The following DIP2B variants were observed in gnomAD, a reference collection of about 807,000 sequenced individuals.
DIP2B encodes the protein DIP2 acetate--CoA ligase B (putative).
Under a neutral mutation model 198.0 loss-of-function variants are expected in DIP2B, and 76 were observed. The observed-to-expected ratio is 0.38, with a 90% confidence interval of 0.32 to 0.46. The LOEUF (loss-of-function observed/expected upper bound fraction) is 0.46. DIP2B is among the 20% of genes least tolerant of loss of function. The pLI, the probability that DIP2B is intolerant of heterozygous loss-of-function variation, is 0.99. For synonymous variants in DIP2B, 701 were observed against 739.1 expected, an observed-to-expected ratio of 0.95 and a Z score of 0.84; for missense variants, 1,559 against 1,978.4, an observed-to-expected ratio of 0.79 and a Z score of 4.02.
intron 1 of DIP2B, among the ~76,000 whole-genome samples, chr12:50,577,629 T>C (rs1343026271): frequency 6.6e-6 from 1 of 151,216 alleles, no homozygotes; most frequent in Non-Finnish European, 1.5e-5. Context: ...ATAATACACT[T>C]TTATATGAGA....
At chr12:50,624,138 T>C (rs991955718) in intron 1 of DIP2B, among the ~76,000 whole-genome samples, 10 of 152,242 alleles carry the variant, frequency 6.6e-5, no homozygotes, top group African/African-American at 2.4e-4. Flanking sequence ...CAAATTACTC[T>C]AAGAGGATTG....
At chr12:50,570,413 G>A (rs1958602545) in intron 1 of DIP2B, among the ~76,000 whole-genome samples, 1 of 152,192 alleles carries the variant, frequency 6.6e-6, no homozygotes, top group Non-Finnish European at 1.5e-5. Context: ...GGTGTATAAA[G>A]ATACAGGCAG....
intron 1 of DIP2B, among the ~76,000 whole-genome samples, chr12:50,592,626 C>A (rs893257375): frequency 6.6e-6 from 1 of 152,008 alleles, no homozygotes; most frequent in African/African-American, 2.4e-5. Context: ...TACAGGCACA[C>A]GCCACTACGC....
chr12:50,632,791 C>T (rs1011157259), intron 2 of DIP2B, among the ~76,000 whole-genome samples: 1 of 152,024 alleles, frequency 6.6e-6, no homozygotes, highest in Non-Finnish European at 1.5e-5. Context: ...CCTCCCTTCT[C>T]CTCCCGAAGT....
intron 23 of DIP2B, among the ~76,000 whole-genome samples, chr12:50,717,896 CTTTTTTTTT>C (rs60627093): frequency 2.3e-5 from 2 of 87,056 alleles, no homozygotes; most frequent in Non-Finnish European, 4.1e-5. Context: ...CCATTATTCA[CTTTTTTTTT>C]TTTTTTTTTT....
At chr12:50,637,295 C>T (rs755404023) in intron 2 of DIP2B, among the ~76,000 whole-genome samples, 1 of 152,142 alleles carries the variant, frequency 6.6e-6, no homozygotes, top group African/African-American at 2.4e-5. Context: ...AAAGGCTGCC[C>T]ACTCGGCTTA....
At chr12:50,587,061 T>G (rs1157743247) in intron 1 of DIP2B, among the ~76,000 whole-genome samples, 1 of 152,170 alleles carries the variant, frequency 6.6e-6, no homozygotes, top group Non-Finnish European at 1.5e-5. Flanking sequence ...GAACCATGGG[T>G]GAGTGTATTA....
chr12:50,663,325 G>A (rs905511075), intron 4 of DIP2B, among the ~76,000 whole-genome samples: 7 of 151,734 alleles, frequency 4.6e-5, no homozygotes, highest in Non-Finnish European at 8.8e-5. Context: ...TTGGGAGGCC[G>A]AGGCGGGTGG....
intron 22 of DIP2B, among the ~76,000 whole-genome samples, chr12:50,713,131 A>G (rs1053898408): frequency 2.0e-5 from 3 of 152,186 alleles, no homozygotes; most frequent in Admixed American, 6.5e-5. Context: ...ATTAAAATAT[A>G]GAGATGGGGT....
At chr12:50,658,175 C>T (rs1221241071) in intron 3 of DIP2B, among the ~76,000 whole-genome samples, 2 of 151,756 alleles carry the variant, frequency 1.3e-5, no homozygotes, top group Non-Finnish European at 2.9e-5. Flanking sequence ...CTTGCTCTGT[C>T]GCCCAGGCTG....
At position 50,704,214 on chromosome 12, in the gene DIP2B, A is replaced by G. The variant is rs1939473427; in HGVS notation, c.2400A>G (p.Val800=). Residue 800 remains valine, a synonymous_variant, in exon 20 of 38, where the codon GTA becomes GTG. Transcript: ENST00000301180. ...TCCGATCAGGATTGCTGGGGTTTGT[A>G]GGGCCGGTAAGTGATGCTTTCATGT... is the stretch of plus-strand genomic sequence containing the variant. ...PFIRSGLLGF[V]GPGSLVFVVG... 22 of 1,609,622 alleles carry G rather than the reference A, an allele frequency of 1.4e-5. No individual in the cohort carries two copies. The highest frequency in any genetic ancestry group is 1.9e-5 in the Non-Finnish European group (22 of 1,179,004).
At chr12:50,581,926 A>T (rs1958727771) in intron 1 of DIP2B, among the ~76,000 whole-genome samples, 4 of 152,104 alleles carry the variant, frequency 2.6e-5, no homozygotes, top group Admixed American at 1.3e-4. Context: ...TGTAGCCTTT[A>T]ATACTGATTG....
At chr12:50,553,382 C>T (rs1424351944) in intron 1 of DIP2B, among the ~76,000 whole-genome samples, 1 of 152,176 alleles carries the variant, frequency 6.6e-6, no homozygotes, top group Non-Finnish European at 1.5e-5. Flanking sequence ...TGTTGTATCC[C>T]AGTACCTAGC....
intron 1 of DIP2B, among the ~76,000 whole-genome samples, chr12:50,532,813 C>T (rs1958230311): frequency 6.6e-6 from 1 of 152,154 alleles, no homozygotes; most frequent in South Asian, 2.1e-4. Context: ...CTTGGGCTCT[C>T]AGGGAAGTGG....
chr12:50,535,082 A>G (rs1958251633), intron 1 of DIP2B, among the ~76,000 whole-genome samples: 1 of 152,070 alleles, frequency 6.6e-6, no homozygotes, highest in Non-Finnish European at 1.5e-5. Context: ...ATATTAAAAA[A>G]TTAGCCGGGT....
In DIP2B at chr12:50,731,686, C is replaced by T. The variant is rs572309486; in HGVS notation, c.3810+149C>T. On this transcript the variant is annotated intron_variant, in intron 31 of 37. Transcript: ENST00000301180. ...AAAAAGGGTGTATTTTAAACTTTGG[C>T]AAGTTTATCTCTTCCACCTTCCTAA... 6 of 883,970 alleles carry T rather than the reference C, an allele frequency of 6.8e-6. No homozygotes were observed. The South Asian group carries it at 1.4e-4, about 20-fold the overall frequency. 54.8% of individuals were successfully genotyped at this position (883,970 alleles called of 1,614,324 possible). A position where few individuals can be genotyped will look rare whatever the true frequency, so the allele number is the denominator to read the frequency against.
chr12:50,535,693 A>T (rs549371215), intron 1 of DIP2B, among the ~76,000 whole-genome samples: 141 of 150,704 alleles, frequency 9.4e-4, no homozygotes, highest in East Asian at 4.3e-3. Flanking sequence ...TTTTTTTTTT[A>T]AATTTTATTT....
chr12:50,556,558 C>CTTT (rs11390796), intron 1 of DIP2B, among the ~76,000 whole-genome samples: 2 of 146,202 alleles, frequency 1.4e-5, no homozygotes, highest in Non-Finnish European at 3.0e-5. Flanking sequence ...TATTGTGAGA[C>CTTT]TTTTTTTTTT....
intron 7 of DIP2B, among the ~76,000 whole-genome samples, chr12:50,677,981 G>A (rs1592123511): frequency 6.6e-6 from 1 of 151,626 alleles, no homozygotes; most frequent in African/African-American, 2.4e-5. Context: ...TAAGGAAGCA[G>A]TAGTCTCCTC....
Sources: allele counts gnomAD v4.1 joint callset (sites outside exome capture counted in the v4.1 genomes callset), GRCh38; gene constraint gnomAD v4.1.1; transcripts MANE v1.5; gene names NCBI Gene and HGNC (gene_info 2026-07-23, HGNC 2026-07-21).